MASP2: variants seen among roughly 807,000 people sequenced by gnomAD.
MASP2 encodes MBL associated serine protease 2.
MASP2 carries 49 observed loss-of-function variants against 57.1 expected under a neutral mutation model. The ratio of observed to expected loss-of-function variants is 0.86; its 90% confidence interval spans 0.68 to 1.09. The LOEUF (loss-of-function observed/expected upper bound fraction) is 1.09, where lower values mean the gene tolerates loss of function less well. Ranked by LOEUF, MASP2 falls within the 50% of genes least tolerant of loss-of-function variation. MASP2 has a pLI of 0.00. For synonymous variants in MASP2, 379 were observed against 340.8 expected, an observed-to-expected ratio of 1.11 and a Z score of -1.24; for missense variants, 900 against 874.8, an observed-to-expected ratio of 1.03 and a Z score of -0.36.
At position 11,037,807 on chromosome 1, in the gene MASP2, C is replaced by A. The variant is rs991605669; in HGVS notation, c.894G>T (p.Gln298His). Residue 298 changes from glutamine to histidine, a missense_variant, in exon 7 of 11, where the codon CAG becomes CAT. Gln to His is a conservative substitution (Grantham distance 24, BLOSUM62 0). Transcript: ENST00000400897. ...GWKIHYTSTAQPCPYPMAPPN... is the reference protein window; with the variant it reads ...GWKIHYTSTAHPCPYPMAPPN... ...GTGGCGCCATCGGATAAGGGCAAGG[C>A]TGCGCTGCGCAGAGGAAACCAGGCT... 1 of 1,603,706 alleles carries A rather than the reference C, an allele frequency of 6.2e-7. No individual in the cohort carries two copies. Among genetic ancestry groups the A allele is most frequent in the African/African-American group, 1.3e-5 (1 of 74,668 alleles).
At chr1:11,038,952 C>T (rs988685580) in intron 6 of MASP2, among the ~76,000 whole-genome samples, 2 of 152,146 alleles carry the variant, frequency 1.3e-5, no homozygotes, top group East Asian at 3.9e-4. Context: ...TGCCCCAACT[C>T]ATACCCACAC....
rs763990476 is a variant in MASP2 at position 11,027,350 on chromosome 1, G to A, written c.1596C>T (p.Asp532=). The A allele has an allele frequency of 1.1e-5, 17 of 1,614,022 alleles. No individual in the cohort carries two copies. Among genetic ancestry groups the A allele is most frequent in the Middle Eastern group, 1.6e-4 (1 of 6,084 alleles). ...TGTTATTCAATTTAATCAGTGCTAT[G>A]TCATTGTCAAAGCCAGCATCATGAG... is the stretch of plus-strand genomic sequence containing the variant. The part of the protein sequence containing the change: ...GYTHDAGFDN[D]IALIKLNNKV... The change falls in exon 11 of 11, where the codon GAC becomes GAT. Residue 532 remains aspartate (D), a synonymous_variant. Transcript: ENST00000400897.
chr1:11,045,121 C>T (rs1035445076), intron 4 of MASP2: 1 of 749,384 alleles, frequency 1.3e-6, no homozygotes, highest in Admixed American at 2.2e-5. Context: ...GGCTAGATAC[C>T]CCCGACTCTC....
chr1:11,047,178 AG>A (rs1638673201), intron 1 of MASP2, 24 bp downstream of exon 1: 2 of 1,559,764 alleles, frequency 1.3e-6, no homozygotes, highest in African/African-American at 2.7e-5. Context: ...CACACCCTGC[AG>A]GGAGGCTGTG....
Position 11,043,025 on chromosome 1 carries a change from G to A in MASP2, c.742-3C>T, listed in dbSNP as rs772977748. On this transcript the variant is annotated splice_polypyrimidine_tract_variant and splice_region_variant and intron_variant, in intron 5 of 10. Coordinates refer to ENST00000400897, the MANE Select transcript of MASP2 (RefSeq NM_006610.4). ...TGTTCTTCTCTGTCTGTTTGAATCT[G>A]AGAAAGAAGCTCATGAAAGCTGGGG... is the stretch of plus-strand genomic sequence containing the variant. 6.2e-7 allele frequency: 1 copy of A among 1,613,352 alleles called. No individual in the cohort carries two copies. The highest frequency in any genetic ancestry group is 1.1e-5 in the South Asian group (1 of 91,062).
intron 8 of MASP2, among the ~76,000 whole-genome samples, chr1:11,031,935 C>T (rs1362585893): frequency 1.3e-5 from 2 of 152,080 alleles, no homozygotes; most frequent in Admixed American, 6.6e-5. Context: ...GCTTATTCTT[C>T]TGATCCTTTT....
At chr1:11,031,067 C>T (rs1341434690) in intron 8 of MASP2, among the ~76,000 whole-genome samples, 185 bp from the exon 9 acceptor site, 1 of 151,846 alleles carries the variant, frequency 6.6e-6, no homozygotes, top group African/African-American at 2.4e-5. Flanking sequence ...AGCATGGTGG[C>T]ACGTGCCTGT....
intron 7 of MASP2, 69 bp from the exon 8 acceptor site, chr1:11,034,975 C>T (rs1212779303): frequency 2.7e-6 from 3 of 1,122,232 alleles, no homozygotes; most frequent in Non-Finnish European, 3.9e-6. Flanking sequence ...AAGCTGTGCT[C>T]TCACAGCAGT....
At chr1:11,041,593 T>G in intron 6 of MASP2, among the ~76,000 whole-genome samples, 1 of 108,778 alleles carries the variant, frequency 9.2e-6, no homozygotes, top group African/African-American at 3.8e-5. Context: ...GGTGGGTGGA[T>G]GGATGGTGGA....
rs145611326 is a variant in MASP2, at chr1:11,029,168, A to AT, written c.1297+1007dup. On this transcript the variant is annotated intron_variant, in intron 10 of 10. Transcript: ENST00000400897. ...CCACCACACCAGGCTAATTTTTTGT[A>AT]TTTTTTTTTTTTTAGTAGAGACGGA... Among the ~76,000 whole-genome samples the AT allele has an allele frequency of 7.6e-4, 109 of 143,896 alleles. 1 individual carries two copies. In the East Asian group the frequency reaches 0.011, roughly 15 times the overall value. 94.4% of individuals were successfully genotyped at this position (143,896 alleles called of 152,430 possible).
At chr1:11,035,020 G>C (rs1643877202) in intron 7 of MASP2, 114 bp from the exon 8 acceptor site, 5 of 699,098 alleles carry the variant, frequency 7.2e-6, no homozygotes, top group Middle Eastern at 4.1e-4. Flanking sequence ...GCTCCTGAAG[G>C]GGGTGGCAGC....
At position 11,027,397 on chromosome 1, in the gene MASP2, C is replaced by T; in HGVS notation, c.1549G>A (p.Val517Ile). 1 of 1,614,168 alleles carries T rather than the reference C, an allele frequency of 6.2e-7. No individual in the cohort carries two copies. Among genetic ancestry groups the T allele is most frequent in the Non-Finnish European group, 8.5e-7 (1 of 1,180,036 alleles). The change falls in exon 11 of 11, where the codon GTT becomes ATT. Residue 517 changes from valine (V) to isoleucine (I), a missense_variant. Physicochemically the swap from Val to Ile is conservative, Grantham distance 29 (BLOSUM62 3). Coordinates refer to ENST00000400897, the MANE Select transcript of MASP2 (RefSeq NM_006610.4). ...TGAGTATAACCTTCATGTATAAAAA[C>T]AGCTTCAGACCAGGCTTGTGTATAA... The part of the protein sequence containing the change: ...PHYTQAWSEA[V>I]FIHEGYTHDA...
chr1:11,038,269 G>C (rs1019335504), intron 6 of MASP2, among the ~76,000 whole-genome samples: 2 of 152,124 alleles, frequency 1.3e-5, no homozygotes, highest in Admixed American at 1.3e-4. Context: ...TCTGCAAGAT[G>C]GGGGGCGGTT....
intron 8 of MASP2, 28 bp from the exon 9 acceptor site, chr1:11,030,910 T>G: frequency 1.3e-6 from 2 of 1,598,758 alleles, no homozygotes; most frequent in Non-Finnish European, 1.7e-6. Context: ...GAGGGAGGAA[T>G]CCATTGATCA....
chr1:11,036,651 C>T (rs1423747925), intron 7 of MASP2, among the ~76,000 whole-genome samples: 3 of 116,136 alleles, frequency 2.6e-5, no homozygotes, highest in Non-Finnish European at 5.0e-5. Flanking sequence ...TTTTTTTTGA[C>T]CCGCCACAGG....
At chr1:11,035,107 G>T (rs1003987905) in intron 7 of MASP2, among the ~76,000 whole-genome samples, 6 of 152,174 alleles carry the variant, frequency 3.9e-5, no homozygotes, top group Non-Finnish European at 7.3e-5. Flanking sequence ...CCGCCTCGGT[G>T]CACGTCTATG....
In MASP2 at chr1:11,045,120, C is replaced by T. The variant is rs982362838; in HGVS notation, c.544+288G>A. 5 of 755,540 alleles carry T rather than the reference C, an allele frequency of 6.6e-6. No individual in the cohort carries two copies. In the African/African-American group the frequency reaches 6.9e-5, roughly 11 times the overall value. The allele number at this position is 755,540 out of a possible 1,614,324, so 46.8% of individuals were successfully genotyped here. On this transcript the variant is annotated intron_variant, in intron 4 of 10. Transcript: ENST00000400897. ...GGTCCCAAGGAACGAGGGCTAGATACCCCCGACTCTCCCGTGGCTACATGA... is the reference window on the plus strand; with the variant it reads ...GGTCCCAAGGAACGAGGGCTAGATATCCCCGACTCTCCCGTGGCTACATGA...
At chr1:11,044,120 C>G (rs575603167) in intron 4 of MASP2, among the ~76,000 whole-genome samples, 1 of 152,298 alleles carries the variant, frequency 6.6e-6, no homozygotes, top group South Asian at 2.1e-4. Context: ...CCAGCCAGCC[C>G]CCTGGGTTCC....
chr1:11,030,088 C>A, intron 10 of MASP2, 88 bp downstream of exon 10: 1 of 908,834 alleles, frequency 1.1e-6, no homozygotes, highest in East Asian at 2.5e-5. Flanking sequence ...TACATTTCTG[C>A]CTACCACAGC....
Sources: gnomAD v4.1 joint callset for allele counts (sites outside exome capture counted in the v4.1 genomes callset) on GRCh38, gnomAD v4.1.1 for gene constraint, MANE v1.5 for transcripts, NCBI Gene and HGNC (gene_info 2026-07-23, HGNC 2026-07-21) for gene names.